Variants in DYSF observed in about 807,000 individuals in gnomAD.
The protein encoded by DYSF is dystrophy-associated fer-1-like 1.
Under a neutral mutation model 274.9 loss-of-function variants are expected in DYSF, and 212 were observed. That is an observed-to-expected ratio of 0.77 (90% CI 0.69 to 0.86). The LOEUF (loss-of-function observed/expected upper bound fraction) is 0.86, where lower values mean the gene tolerates loss of function less well. DYSF is among the 40% of genes least tolerant of loss of function. The pLI is 0.00. For synonymous variants in DYSF, 1,091 were observed against 1,078.7 expected, an observed-to-expected ratio of 1.01 and a Z score of -0.22; for missense variants, 2,666 against 2,783.2, an observed-to-expected ratio of 0.96 and a Z score of 0.95.
intron 13 of DYSF, among the ~76,000 whole-genome samples, chr2:71,527,079 G>C (rs140393736): frequency 6.6e-6 from 1 of 152,332 alleles, no homozygotes; most frequent in African/African-American, 2.4e-5. Flanking sequence ...TGGGCTGATA[G>C]TAGAATTCCC....
intron 1 of DYSF, among the ~76,000 whole-genome samples, chr2:71,472,696 G>A (rs184944003): frequency 3.8e-4 from 58 of 152,298 alleles, no homozygotes; most frequent in Middle Eastern, 3.4e-3. Flanking sequence ...GTGAGCCACC[G>A]CGCCAAGCCA....
intron 41 of DYSF, among the ~76,000 whole-genome samples, chr2:71,623,516 T>G (rs112038032): frequency 1.3e-5 from 2 of 152,214 alleles, no homozygotes; most frequent in African/African-American, 4.8e-5. Flanking sequence ...CATGTAACTT[T>G]ATTTGCCAAT....
chr2:71,539,534 C>T (rs946163630), intron 17 of DYSF, among the ~76,000 whole-genome samples: 2 of 152,110 alleles, frequency 1.3e-5, no homozygotes, highest in Non-Finnish European at 2.9e-5. Context: ...CTGCCTTGGC[C>T]GACTGTGCTC....
At chr2:71,498,429 G>A (rs1341159157) in intron 3 of DYSF, among the ~76,000 whole-genome samples, 2 of 152,192 alleles carry the variant, frequency 1.3e-5, no homozygotes, top group Non-Finnish European at 2.9e-5. Flanking sequence ...CCTGGGTGGG[G>A]ACCACATGAC....
intron 45 of DYSF, among the ~76,000 whole-genome samples, chr2:71,662,428 G>A (rs1360920729): frequency 6.6e-6 from 1 of 152,120 alleles, no homozygotes; most frequent in Non-Finnish European, 1.5e-5. Flanking sequence ...GTGTATATGT[G>A]TGTATGTATG....
intron 52 of DYSF, among the ~76,000 whole-genome samples, chr2:71,677,604 A>G (rs922070906): frequency 5.9e-5 from 9 of 152,304 alleles, no homozygotes; most frequent in Admixed American, 3.9e-4. Flanking sequence ...TAGGTGGTAG[A>G]TGAAAAAGAC....
chr2:71,618,982 C>T (rs1205066325), intron 40 of DYSF, among the ~76,000 whole-genome samples: 1 of 151,974 alleles, frequency 6.6e-6, no homozygotes, highest in South Asian at 2.1e-4. Context: ...TCTGGGATGC[C>T]GTGAAGGTGG....
intron 41 of DYSF, among the ~76,000 whole-genome samples, chr2:71,639,260 C>G (rs1412293052): frequency 2.6e-5 from 4 of 152,108 alleles, no homozygotes; most frequent in Admixed American, 6.5e-5. Flanking sequence ...CAAATATTTT[C>G]TCCCATTCTG....
At chr2:71,605,620 G>C (rs1026399780) in intron 36 of DYSF, among the ~76,000 whole-genome samples, 3 of 152,114 alleles carry the variant, frequency 2.0e-5, no homozygotes, top group Non-Finnish European at 2.9e-5. Context: ...GGGAGGGATC[G>C]TATGCTTTGT....
At chr2:71,618,168 GT>G in intron 40 of DYSF, among the ~76,000 whole-genome samples, 1 of 128,882 alleles carries the variant, frequency 7.8e-6, no homozygotes, top group African/African-American at 3.0e-5. Context: ...GTGTGTGTGT[GT>G]GGTAGAGGTG....
At chr2:71,551,476 G>A (rs942520615) in intron 18 of DYSF, 131 bp from the exon 19 acceptor site, 11 of 758,096 alleles carry the variant, frequency 1.5e-5, no homozygotes, top group Non-Finnish European at 2.4e-5. Flanking sequence ...TCACCTGCAG[G>A]GGGGATGAGG....
At chr2:71,632,388 G>C (rs1200196355) in intron 41 of DYSF, among the ~76,000 whole-genome samples, 2 of 152,232 alleles carry the variant, frequency 1.3e-5, no homozygotes, top group African/African-American at 4.8e-5. Flanking sequence ...AATGCATACA[G>C]TAACTAGAAA....
At position 71,542,601 on chromosome 2, in the gene DYSF, T is replaced by A. The variant is rs534249653; in HGVS notation, c.1576+3362T>A. ...TTATGGAGCATGCTGCCTTCAAGCA[T>A]CTGTTTAACAAAGCACATCTTGCAC... On this transcript the variant is annotated intron_variant, in intron 17 of 55. Transcript: ENST00000410020. 1.9e-3 allele frequency among the ~76,000 whole-genome samples: 289 copies of A among 152,282 alleles called. 1 individual carries two copies. The highest frequency in any genetic ancestry group is 6.1e-3 in the African/African-American group (255 of 41,550).
Position 71,520,812 on chromosome 2 carries a change from C to A in DYSF, c.1057C>A (p.Leu353Met), listed in dbSNP as rs752460236. 1 of 1,613,946 alleles carries A rather than the reference C, an allele frequency of 6.2e-7. No homozygotes were observed. Among genetic ancestry groups the A allele is most frequent in the African/African-American group, 1.3e-5 (1 of 74,898 alleles). The change falls in exon 12 of 56, where the codon CTG becomes ATG. Residue 353 changes from leucine to methionine, a missense_variant. Around this residue, in one of 3 missense-constraint regions of DYSF, gnomAD observed 794 missense variants for 777.1 expected, o/e 1.02. Transcript: ENST00000410020. ...AGGGCACGCCTATCTCAGGAAGTGG[C>A]TGCTGCTCTCAGACCCTGATGACTT... ...EPRHAYLRKW[L>M]LLSDPDDFSA...
chr2:71,660,497 C>A, intron 44 of DYSF, 63 bp from the exon 45 acceptor site: 2 of 1,406,228 alleles, frequency 1.4e-6, no homozygotes, highest in South Asian at 1.2e-5. Flanking sequence ...GCAAGGCACT[C>A]ATGAAGCCTC....
Position 71,667,696 on chromosome 2 carries a change from T to C in DYSF, c.5457+181T>C, listed in dbSNP as rs148625860. Among the ~76,000 whole-genome samples, 2,491 of 152,290 alleles carry C rather than the reference T, an allele frequency of 0.016. 24 individuals are homozygous for C. Among genetic ancestry groups the C allele is most frequent in the Middle Eastern group, 0.034 (10 of 294 alleles). Reference sequence around the variant, plus strand: ...GGCCTGGGAGGGGATCTTTAGGTCCTGGCTTCCTCTGGCTGCCTCCATCCC... The same window carrying C: ...GGCCTGGGAGGGGATCTTTAGGTCCCGGCTTCCTCTGGCTGCCTCCATCCC... On this transcript the variant is annotated intron_variant, in intron 48 of 55. Coordinates refer to ENST00000410020, the MANE Select transcript of DYSF (RefSeq NM_001130987.2).
At chr2:71,519,703 G>A (rs2087027425) in intron 10 of DYSF, among the ~76,000 whole-genome samples, 1 of 151,532 alleles carries the variant, frequency 6.6e-6, no homozygotes. Context: ...GGATTGCAAT[G>A]GCATGATCTC....
chr2:71,521,016 T>G lies in DYSF; in HGVS notation c.1149+112T>G. On this transcript the variant is annotated intron_variant, in intron 12 of 55. Coordinates refer to ENST00000410020, the MANE Select transcript of DYSF (RefSeq NM_001130987.2). ...TTTTTTTCTGATTTAAACTAATATG[T>G]GGTAATTAATGAGAAATGTGGAACA... 5 of 805,702 alleles carry G rather than the reference T, an allele frequency of 6.2e-6. No individual in the cohort carries two copies. In the East Asian group the frequency reaches 1.4e-4, roughly 22 times the overall value. 49.9% of individuals were successfully genotyped at this position (805,702 alleles called of 1,614,324 possible).
At chr2:71,487,098 G>A (rs545050901) in intron 3 of DYSF, among the ~76,000 whole-genome samples, 22 of 152,300 alleles carry the variant, frequency 1.4e-4, no homozygotes, top group African/African-American at 4.6e-4. Context: ...TTTTCATTGC[G>A]CAGCCTGGGC....
Sources: allele counts gnomAD v4.1 joint callset (sites outside exome capture counted in the v4.1 genomes callset), GRCh38; gene constraint gnomAD v4.1.1; regional missense constraint gnomAD v4.1.1; transcripts MANE v1.5; gene names NCBI Gene and HGNC (gene_info 2026-07-23, HGNC 2026-07-21).